GLIS3: variants seen among roughly 807,000 people sequenced by gnomAD.
GLIS3 encodes the protein GLIS family zinc finger 3, also known as zinc finger protein GLIS3.
Under a neutral mutation model 78.6 loss-of-function variants are expected in GLIS3, and 53 were observed. The ratio of observed to expected loss-of-function variants is 0.67; its 90% CI spans 0.54 to 0.85. The LOEUF (loss-of-function observed/expected upper bound fraction) is 0.85, where lower values mean the gene tolerates loss of function less well. GLIS3 is among the 40% of genes least tolerant of loss of function. The probability of loss-of-function intolerance (pLI) is 0.00; values close to 1 mark genes in which losing one functional copy is unlikely to be tolerated. For missense variants in GLIS3, 1,703 were observed against 1,231.1 expected (o/e 1.38, Z -5.74); for synonymous variants, 684 against 509.9 (o/e 1.34, Z -4.60).
chr9:3,896,670 T>TAATTAAAAAAAA (rs756694471), intron 7 of GLIS3, among the ~76,000 whole-genome samples: 12 of 49,980 alleles, frequency 2.4e-4, no homozygotes, highest in African/African-American at 1.0e-3. Flanking sequence ...CCATCTCAAT[T>TAATTAAAAAAAA]AAAAAAAAAA....
the GLIS3 span, among the ~76,000 whole-genome samples, chr9:4,468,197 T>C: frequency 2.6e-5 from 4 of 152,202 alleles, no homozygotes; most frequent in South Asian, 8.3e-4. Context: ...TGGAACCAAG[T>C]TGGAAAACAC....
chr9:4,256,426 T>C (rs1824947032), intron 2 of GLIS3, among the ~76,000 whole-genome samples: 1 of 152,164 alleles, frequency 6.6e-6, no homozygotes, highest in Admixed American at 6.5e-5. Flanking sequence ...TTTAAAATAA[T>C]AAAGACATCT....
At chr9:4,149,268 A>G (rs112769143) in intron 2 of GLIS3, among the ~76,000 whole-genome samples, 2,904 of 152,302 alleles carry the variant, frequency 0.019, 106 homozygotes, top group African/African-American at 0.067. Flanking sequence ...AGCTCCCACA[A>G]CAACCTTGAT....
At chr9:4,402,094 G>A in the GLIS3 span, among the ~76,000 whole-genome samples, 29 of 152,304 alleles carry the variant, frequency 1.9e-4, no homozygotes, top group South Asian at 1.7e-3. Flanking sequence ...CCTTGGGCAA[G>A]ACCCAGTACT....
intron 2 of GLIS3, among the ~76,000 whole-genome samples, chr9:4,164,670 A>G (rs1383990597): frequency 6.6e-6 from 1 of 152,214 alleles, no homozygotes; most frequent in African/African-American, 2.4e-5. Flanking sequence ...GGCGTTATGT[A>G]TGATCTAAAA....
At chr9:4,462,634 GACACGCACACACAC>G in the GLIS3 span, among the ~76,000 whole-genome samples, 2,274 of 66,612 alleles carry the variant, frequency 0.034, 55 homozygotes, top group African/African-American at 0.095. Flanking sequence ...CACACACACA[GACACGCACACACAC>G]ACACACACAC....
intron 2 of GLIS3, among the ~76,000 whole-genome samples, chr9:4,180,406 G>T (rs1393457483): frequency 6.6e-6 from 1 of 152,132 alleles, no homozygotes; most frequent in Non-Finnish European, 1.5e-5. Context: ...GGGCAGGCTT[G>T]GGCTGTTTAG....
intron 4 of GLIS3, among the ~76,000 whole-genome samples, chr9:4,032,704 T>A (rs1330571396): frequency 6.6e-6 from 1 of 152,182 alleles, no homozygotes; most frequent in Non-Finnish European, 1.5e-5. Context: ...GGGGCAAGTA[T>A]ATGGAAGCCC....
intron 4 of GLIS3, among the ~76,000 whole-genome samples, chr9:4,068,099 G>C (rs1404453449): frequency 6.6e-6 from 1 of 152,092 alleles, no homozygotes; most frequent in South Asian, 2.1e-4. Context: ...AAATGGAGAA[G>C]TGTTACTATA....
At chr9:4,434,094 C>CAAAAAA in the GLIS3 span, among the ~76,000 whole-genome samples, 1 of 100,222 alleles carries the variant, frequency 1.0e-5, no homozygotes. Context: ...GACTCTGTCT[C>CAAAAAA]AAAAAAAAAA....
chr9:4,218,177 C>A (rs980098654), intron 2 of GLIS3, among the ~76,000 whole-genome samples: 1 of 152,254 alleles, frequency 6.6e-6, no homozygotes, highest in Non-Finnish European at 1.5e-5. Context: ...GCTACCACAT[C>A]GTATCAATCA....
At chr9:3,941,650 G>A (rs923202379) in intron 4 of GLIS3, among the ~76,000 whole-genome samples, 2 of 152,076 alleles carry the variant, frequency 1.3e-5, no homozygotes, top group Non-Finnish European at 2.9e-5. Flanking sequence ...GTGGCTTTGC[G>A]GACACATATG....
At chr9:4,064,857 G>T (rs898673273) in intron 4 of GLIS3, among the ~76,000 whole-genome samples, 4 of 152,190 alleles carry the variant, frequency 2.6e-5, no homozygotes, top group Non-Finnish European at 4.4e-5. Flanking sequence ...GAACAAAATA[G>T]CAAGAGAGCA....
chr9:4,133,853 CACACACACACACACACACACA>C (rs1564098401), intron 2 of GLIS3, among the ~76,000 whole-genome samples: 17 of 149,106 alleles, frequency 1.1e-4, no homozygotes, highest in African/African-American at 3.5e-4. Context: ...CACACACACA[CACACACACACACACACACACA>C]CCGTACATCT....
At chr9:3,991,952 A>C (rs912684565) in intron 4 of GLIS3, among the ~76,000 whole-genome samples, 2 of 152,102 alleles carry the variant, frequency 1.3e-5, no homozygotes, top group Non-Finnish European at 1.5e-5. Flanking sequence ...GGCCTCCCAA[A>C]GTGCTGGGAT....
At chr9:4,065,917 A>G (rs1208313379) in intron 4 of GLIS3, among the ~76,000 whole-genome samples, 1 of 152,170 alleles carries the variant, frequency 6.6e-6, no homozygotes, top group Non-Finnish European at 1.5e-5. Context: ...GATTAAAACA[A>G]GGATAGGAAA....
intron 2 of GLIS3, among the ~76,000 whole-genome samples, chr9:4,126,584 A>G (rs10758557): frequency 0.23 from 34,268 of 152,118 alleles, 5,105 homozygotes; most frequent in East Asian, 0.61. Flanking sequence ...ATTAGTAACA[A>G]TCTTTCAGTG....
In GLIS3 at chr9:4,220,193, A is replaced by G. The variant is rs1821197532; in HGVS notation, c.388+65845T>C. On this transcript the variant is annotated intron_variant, in intron 2 of 10. Coordinates refer to ENST00000381971, the MANE Select transcript of GLIS3 (RefSeq NM_001042413.2). Reference sequence around the variant, plus strand: ...ACAGTAAAAATCCATGACATATTATATAAATAAATAATCTTTCTAAAACTT... The same window carrying G: ...ACAGTAAAAATCCATGACATATTATGTAAATAAATAATCTTTCTAAAACTT... Among the ~76,000 whole-genome samples, 5 of 152,370 alleles carry G rather than the reference A, an allele frequency of 3.3e-5. No homozygotes were observed. In the South Asian group the frequency reaches 1.0e-3, roughly 32 times the overall value.
At position 4,117,887 on chromosome 9, in the gene GLIS3, C is replaced by T. The variant is rs147274927; in HGVS notation, c.1591G>A (p.Gly531Arg). ...IEKVHIDQRKGEDFTCFWAGC... is the reference protein window; with the variant it reads ...IEKVHIDQRKREDFTCFWAGC... ...GCCCAGAAGCAAGTGAAGTCCTCCC[C>T]TTTGCGCTGGTCGATGTGGACCTTC... Residue 531 changes from glycine to arginine, a missense_variant, in exon 4 of 11, where the codon GGG becomes AGG. Gly to Arg is a moderately radical substitution (Grantham distance 125). Transcript: ENST00000381971. The T allele has an allele frequency of 1.6e-5, 26 of 1,614,186 alleles. No individual in the cohort carries two copies. In the African/African-American group the frequency reaches 2.5e-4, roughly 16 times the overall value.
Sources: gnomAD v4.1 joint callset for allele counts (sites outside exome capture counted in the v4.1 genomes callset) on GRCh38, gnomAD v4.1.1 for gene constraint, MANE v1.5 for transcripts, NCBI Gene and HGNC (gene_info 2026-07-23, HGNC 2026-07-21) for gene names.